Variants in INVS observed in about 807,000 individuals in gnomAD.
INVS encodes the protein inversin.
INVS carries 86 observed loss-of-function variants against 108.8 expected under a neutral mutation model. The ratio of observed to expected loss-of-function variants is 0.79; its 90% confidence interval spans 0.66 to 0.95. The LOEUF is 0.95. Ranked by LOEUF, INVS falls within the 40% of genes least tolerant of loss-of-function variation. The pLI, the probability that INVS is intolerant of heterozygous loss-of-function variation, is 0.00. For missense variants in INVS, 1,169 were observed against 1,297.4 expected (o/e 0.90, Z 1.52); for synonymous variants, 455 against 473.5 (o/e 0.96, Z 0.51).
At chr9:100,124,626 A>G (rs1176966202) in intron 2 of INVS, among the ~76,000 whole-genome samples, 1 of 148,960 alleles carries the variant, frequency 6.7e-6, no homozygotes, top group Admixed American at 6.7e-5. Context: ...CTCTTTTTTC[A>G]TTCCTGATGT....
At position 100,252,991 on chromosome 9, in the gene INVS, A is replaced by G; in HGVS notation, c.1319A>G (p.Gln440Arg). Residue 440 changes from glutamine to arginine, a missense_variant, in exon 10 of 17, where the codon CAG becomes CGG. Around this residue, in one of 3 missense-constraint regions of INVS, gnomAD observed 271 missense variants for 363.8 expected, o/e 0.74. Coordinates refer to ENST00000262457, the MANE Select transcript of INVS (RefSeq NM_014425.5). The stretch of plus-strand genomic sequence containing the variant: ...CTGGGAGGAAATGCTGATGTTTGCC[A>G]GATATTAATAGAAAATAAGATCAAT... ...AALGGNADVC[Q>R]ILIENKINPN... 6.2e-7 allele frequency: 1 copy of G among 1,614,014 alleles called. No individual in the cohort carries two copies. The highest frequency in any genetic ancestry group is 8.5e-7 in the Non-Finnish European group (1 of 1,179,884).
chr9:100,153,361 A>C (rs530547601), intron 3 of INVS, among the ~76,000 whole-genome samples: 1 of 152,194 alleles, frequency 6.6e-6, no homozygotes, highest in African/African-American at 2.4e-5. Context: ...GAAAAAGACC[A>C]ATGATCCTAT....
intron 3 of INVS, among the ~76,000 whole-genome samples, chr9:100,186,891 G>C (rs1256357307): frequency 3.3e-5 from 5 of 151,772 alleles, no homozygotes; most frequent in Non-Finnish European, 7.4e-5. Flanking sequence ...TTTTGTTTTT[G>C]TTAAATTTGC....
At chr9:100,234,828 A>C (rs916996568) in intron 5 of INVS, among the ~76,000 whole-genome samples, 1 of 152,148 alleles carries the variant, frequency 6.6e-6, no homozygotes, top group South Asian at 2.1e-4. Flanking sequence ...TACTGAGAAG[A>C]ATATATATTC....
intron 3 of INVS, among the ~76,000 whole-genome samples, chr9:100,163,278 C>A (rs1329227886): frequency 1.3e-5 from 2 of 148,616 alleles, no homozygotes; most frequent in Non-Finnish European, 3.0e-5. Flanking sequence ...GTTCCAGTAA[C>A]AAACGCGGGC....
At chr9:100,153,577 A>G (rs758483487) in intron 3 of INVS, among the ~76,000 whole-genome samples, 2 of 152,224 alleles carry the variant, frequency 1.3e-5, no homozygotes, top group Non-Finnish European at 2.9e-5. Context: ...GAGCATTCAC[A>G]TATCCCTGAA....
At chr9:100,147,384 G>T (rs1385453782) in intron 3 of INVS, among the ~76,000 whole-genome samples, 1 of 152,136 alleles carries the variant, frequency 6.6e-6, no homozygotes, top group Non-Finnish European at 1.5e-5. Context: ...TACATTAAAA[G>T]AAATTCAAAT....
At chr9:100,130,624 C>T (rs1828027696) in intron 3 of INVS, 1 of 152,160 alleles carries the variant, frequency 6.6e-6, no homozygotes, top group African/African-American at 2.4e-5. Flanking sequence ...AGTGAACCTT[C>T]TGATATATTG....
chr9:100,154,499 G>A (rs538152237), intron 3 of INVS, among the ~76,000 whole-genome samples: 13 of 151,608 alleles, frequency 8.6e-5, no homozygotes, highest in Non-Finnish European at 1.5e-4. Flanking sequence ...TTAGAGAGCT[G>A]GCTACATAAA....
chr9:100,262,654 A>G (rs544356908), intron 10 of INVS, among the ~76,000 whole-genome samples: 1 of 151,570 alleles, frequency 6.6e-6, no homozygotes, highest in African/African-American at 2.4e-5. Flanking sequence ...AAAAAAAAAA[A>G]AAAAAAACTT....
chr9:100,158,814 A>G (rs1489140619), intron 3 of INVS, among the ~76,000 whole-genome samples: 2 of 152,214 alleles, frequency 1.3e-5, no homozygotes, highest in South Asian at 2.1e-4. Context: ...TGTTTGGGTC[A>G]TGGGAGCAGA....
chr9:100,267,488 T>C (rs1418315359), intron 11 of INVS, among the ~76,000 whole-genome samples: 3 of 152,222 alleles, frequency 2.0e-5, no homozygotes, highest in Non-Finnish European at 4.4e-5. Context: ...TTGTATCTTG[T>C]CTGTTGTCTA....
At chr9:100,229,301 A>G (rs182730523) in intron 4 of INVS, among the ~76,000 whole-genome samples, 147 of 152,252 alleles carry the variant, frequency 9.7e-4, no homozygotes, top group African/African-American at 3.5e-3. Context: ...TGTGACAATG[A>G]ATGGGATAAC....
Position 100,253,148 on chromosome 9 carries a change from G to A in INVS, c.1464+12G>A, listed in dbSNP as rs775996747. ...TTCAAGACAAAGAGGTAGAAATTCT[G>A]TCTTTTCTATATTGTTTGCTCCAAA... On this transcript the variant is annotated intron_variant, in intron 10 of 16. Transcript: ENST00000262457. 3.1e-6 allele frequency: 5 copies of A among 1,590,254 alleles called. No individual in the cohort carries two copies. The highest frequency in any genetic ancestry group is 1.7e-4 in the Middle Eastern group (1 of 6,004).
At chr9:100,171,879 A>G (rs751108673) in intron 3 of INVS, among the ~76,000 whole-genome samples, 7 of 152,176 alleles carry the variant, frequency 4.6e-5, no homozygotes, top group Non-Finnish European at 1.0e-4. Context: ...TAGATTCATG[A>G]CTTAGGCTCT....
At chr9:100,237,338 G>A (rs770893204) in intron 5 of INVS, among the ~76,000 whole-genome samples, 2 of 152,102 alleles carry the variant, frequency 1.3e-5, no homozygotes, top group African/African-American at 2.4e-5. Context: ...TGGCTCCCTG[G>A]CTTCAGCCCC....
chr9:100,157,468 G>A (rs967523312), intron 3 of INVS, among the ~76,000 whole-genome samples: 30 of 151,706 alleles, frequency 2.0e-4, no homozygotes, highest in South Asian at 2.1e-4. Context: ...GGGTTTCACC[G>A]TGTTAGCCAG....
intron 3 of INVS, among the ~76,000 whole-genome samples, chr9:100,164,241 T>C (rs1252483865): frequency 6.6e-6 from 1 of 152,350 alleles, no homozygotes; most frequent in East Asian, 1.9e-4. Flanking sequence ...AACTACCTCA[T>C]ATTTATACAT....
chr9:100,143,700 AG>A (rs1318534270), intron 3 of INVS, among the ~76,000 whole-genome samples: 3 of 152,118 alleles, frequency 2.0e-5, no homozygotes, highest in African/African-American at 7.2e-5. Context: ...ATAACTAAAA[AG>A]GAGTGCTTAA....
Sources: gnomAD v4.1 joint callset for allele counts (sites outside exome capture counted in the v4.1 genomes callset) on GRCh38, gnomAD v4.1.1 for gene constraint, gnomAD v4.1.1 regional missense constraint, MANE v1.5 for transcripts, NCBI Gene and HGNC (gene_info 2026-07-23, HGNC 2026-07-21) for gene names.